Variants in HOMER1 observed in about 807,000 individuals in gnomAD.
HOMER1 encodes homer protein homolog 1.
HOMER1 carries 3 observed loss-of-function variants against 48.9 expected under a neutral mutation model. The ratio of observed to expected loss-of-function variants is 0.06; its 90% CI spans 0.03 to 0.16. The LOEUF (loss-of-function observed/expected upper bound fraction) is 0.16, where lower values mean the gene tolerates loss of function less well. Ranked by LOEUF, HOMER1 falls within the 10% of genes least tolerant of loss-of-function variation. The pLI, the probability that HOMER1 is intolerant of heterozygous loss-of-function variation, is 1.00. For synonymous variants in HOMER1, 134 were observed against 146.4 expected (o/e 0.92, Z 0.61); for missense variants, 247 against 411.4 (o/e 0.60, Z 3.46).
intron 5 of HOMER1, among the ~76,000 whole-genome samples, chr5:79,426,112 G>A (rs918706342): frequency 6.6e-6 from 1 of 151,614 alleles, no homozygotes; most frequent in African/African-American, 2.4e-5. Flanking sequence ...TATTATCAAA[G>A]GGGCAGAAAA....
chr5:79,499,871 C>CA (rs1399351819), intron 1 of HOMER1, among the ~76,000 whole-genome samples: 1 of 152,144 alleles, frequency 6.6e-6, no homozygotes, highest in Non-Finnish European at 1.5e-5. Context: ...TTGTGTATCA[C>CA]AACAGTAAAA....
chr5:79,486,112 T>C (rs4398615), intron 1 of HOMER1, among the ~76,000 whole-genome samples: 12,173 of 152,174 alleles, frequency 0.08, 1,085 homozygotes, highest in East Asian at 0.23. Context: ...ACCTCCACCC[T>C]AGTTGACTTC....
At chr5:79,397,504 G>A (rs745826966) in intron 7 of HOMER1, 23 bp downstream of exon 7, 2 of 1,260,978 alleles carry the variant, frequency 1.6e-6, no homozygotes, top group East Asian at 4.7e-5. Context: ...CTAGATTACA[G>A]ATGAGTAAAA....
chr5:79,379,118 TATATAA>T lies in HOMER1; in HGVS notation c.877-2927_877-2922del, dbSNP rs1561340337. ...TATATATATATATATATATATAAAATATATAAATATTTATTTATATATAAAAATTAT... is the reference window on the plus strand; with the variant it reads ...TATATATATATATATATATATAAAATATATTTATTTATATATAAAAATTAT... On this transcript the variant is annotated intron_variant, in intron 8 of 8. Coordinates refer to ENST00000334082, the MANE Select transcript of HOMER1 (RefSeq NM_004272.5). Among the ~76,000 whole-genome samples the T allele has an allele frequency of 7.6e-4, 62 of 81,756 alleles. 5 individuals carry two copies. The highest frequency in any genetic ancestry group is 2.8e-3 in the African/African-American group (56 of 19,752). The allele number at this position is 81,756 out of a possible 152,430, so 53.6% of individuals were successfully genotyped here.
At chr5:79,483,786 G>T (rs2112345793) in intron 1 of HOMER1, among the ~76,000 whole-genome samples, 1 of 151,442 alleles carries the variant, frequency 6.6e-6, no homozygotes, top group East Asian at 1.9e-4. Context: ...CGGGTGTGGT[G>T]GCTCACGCCG....
chr5:79,457,752 C>CA, intron 1 of HOMER1, among the ~76,000 whole-genome samples: 1 of 152,262 alleles, frequency 6.6e-6, no homozygotes, highest in Middle Eastern at 3.4e-3. Context: ...AGGAACATGA[C>CA]ACAGTATTTT....
chr5:79,499,840 T>C (rs1217439353), intron 1 of HOMER1, among the ~76,000 whole-genome samples: 1 of 152,240 alleles, frequency 6.6e-6, no homozygotes. Context: ...GTGTTCTGTC[T>C]GCTTAAAATG....
chr5:79,494,586 C>T (rs1182387909), intron 1 of HOMER1, among the ~76,000 whole-genome samples: 1 of 152,130 alleles, frequency 6.6e-6, no homozygotes, highest in Non-Finnish European at 1.5e-5. Context: ...TTGAGTGTTT[C>T]AGCTGGGTGC....
intron 8 of HOMER1, among the ~76,000 whole-genome samples, chr5:79,378,222 C>CAAAAAAAAAAAAAAAAAA (rs58802660): frequency 3.5e-5 from 3 of 85,578 alleles, no homozygotes; most frequent in African/African-American, 1.2e-4. Context: ...GACTCTGTCT[C>CAAAAAAAAAAAAAAAAAA]AAAAAAAAAA....
chr5:79,512,679 G>T, intron 1 of HOMER1, 91 bp downstream of exon 1: 1 of 1,270,954 alleles, frequency 7.9e-7, no homozygotes, highest in Non-Finnish European at 1.1e-6. Flanking sequence ...TGGCAAGTTT[G>T]TTTGAAAACA....
At chr5:79,464,764 T>C (rs567047577) in intron 1 of HOMER1, among the ~76,000 whole-genome samples, 3 of 152,336 alleles carry the variant, frequency 2.0e-5, no homozygotes, top group Non-Finnish European at 4.4e-5. Context: ...CTACCAACTG[T>C]ATGTCCCTAT....
chr5:79,482,173 T>C (rs1350557774), intron 1 of HOMER1, among the ~76,000 whole-genome samples: 1 of 151,950 alleles, frequency 6.6e-6, no homozygotes, highest in African/African-American at 2.4e-5. Flanking sequence ...TGAGCCATGG[T>C]ACACCACTGC....
At chr5:79,416,932 G>A (rs938924134) in intron 5 of HOMER1, among the ~76,000 whole-genome samples, 8 of 152,232 alleles carry the variant, frequency 5.3e-5, no homozygotes, top group South Asian at 2.1e-4. Flanking sequence ...ATACTTTAAC[G>A]TAAATCATAG....
At chr5:79,499,982 G>C (rs1256823438) in intron 1 of HOMER1, among the ~76,000 whole-genome samples, 1 of 152,110 alleles carries the variant, frequency 6.6e-6, no homozygotes, top group Non-Finnish European at 1.5e-5. Flanking sequence ...TGCTGGAAGT[G>C]CTCCCAAGAA....
intron 5 of HOMER1, among the ~76,000 whole-genome samples, chr5:79,428,283 G>A (rs186421486): frequency 6.5e-4 from 99 of 152,030 alleles, no homozygotes; most frequent in Middle Eastern, 6.8e-3. Flanking sequence ...AGGAATATAG[G>A]GGAACTTCCT....
In HOMER1 at chr5:79,373,614, C is replaced by A. The variant is rs1024136749; in HGVS notation, c.*2395G>T. 1.3e-5 allele frequency: 2 copies of A among 151,924 alleles called. No individual in the cohort carries two copies. The highest frequency in any genetic ancestry group is 2.9e-5 in the Non-Finnish European group (2 of 67,884). The allele number at this position is 151,924 out of a possible 1,614,324, so 9.4% of individuals were successfully genotyped here. A position where few individuals can be genotyped will look rare whatever the true frequency, so the allele number is the denominator to read the frequency against. ...ATGATGATTTCTACATACTCTCCTA[C>A]TGTAAATGAATAGTTAAAAGTCTTA... is the stretch of plus-strand genomic sequence containing the variant. On this transcript the variant is annotated 3_prime_UTR_variant, in exon 9 of 9. Coordinates refer to ENST00000334082, the MANE Select transcript of HOMER1 (RefSeq NM_004272.5).
At chr5:79,506,855 A>T (rs552191253) in intron 1 of HOMER1, among the ~76,000 whole-genome samples, 60 of 151,292 alleles carry the variant, frequency 4.0e-4, no homozygotes, top group South Asian at 1.3e-3. Flanking sequence ...CAAACAAAAA[A>T]ATATATATAT....
chr5:79,448,018 C>T (rs1216096612), intron 3 of HOMER1, among the ~76,000 whole-genome samples: 1 of 152,070 alleles, frequency 6.6e-6, no homozygotes, highest in African/African-American at 2.4e-5. Context: ...ATTTCATTTC[C>T]ATCTTGGGAA....
At chr5:79,416,186 GTCAATGATTTATATTGTATGCAC>G (rs1036225217) in intron 5 of HOMER1, among the ~76,000 whole-genome samples, 3 of 152,134 alleles carry the variant, frequency 2.0e-5, no homozygotes. Context: ...ATCAAACCCA[GTCAATGATTTATATTGTATGCAC>G]TCAATGATTT....
Sources: gnomAD v4.1 joint callset for allele counts (sites outside exome capture counted in the v4.1 genomes callset) on GRCh38, gnomAD v4.1.1 for gene constraint, MANE v1.5 for transcripts, NCBI Gene and HGNC (gene_info 2026-07-23, HGNC 2026-07-21) for gene names.